ANO2: variants seen among roughly 807,000 people sequenced by gnomAD.
ANO2 encodes the protein anoctamin 2.
A neutral mutation model predicts 124.2 loss-of-function variants in ANO2; 101 were observed. The observed-to-expected ratio is 0.81, with a 90% CI of 0.69 to 0.96. The LOEUF (loss-of-function observed/expected upper bound fraction) is 0.96. Among genes scored for constraint, ANO2 ranks in the 40% least tolerant of loss-of-function variants. The pLI, the probability that ANO2 is intolerant of heterozygous loss-of-function variation, is 0.00. For synonymous variants in ANO2, 486 were observed against 482.5 expected, an observed-to-expected ratio of 1.01 and a Z score of -0.09; for missense variants, 1,293 against 1,274.5, an observed-to-expected ratio of 1.01 and a Z score of -0.22.
At chr12:5,699,797 C>T (rs1949331414) in intron 14 of ANO2, among the ~76,000 whole-genome samples, 1 of 151,934 alleles carries the variant, frequency 6.6e-6, no homozygotes, top group African/African-American at 2.4e-5. Flanking sequence ...ATCCTAGTCT[C>T]GGATAAAACA....
Position 5,583,066 on chromosome 12 carries a change from T to A in ANO2, c.2234-4548A>T, listed in dbSNP as rs185907066. On this transcript the variant is annotated intron_variant, in intron 20 of 24. Coordinates refer to ENST00000682330, the MANE Select transcript of ANO2 (RefSeq NM_001364791.2). ...TTCTTTTCCAAGTCCTCACTCACCATCTTTTGTGGTGCCTATCACATAGCA... is the reference window on the plus strand; with the variant it reads ...TTCTTTTCCAAGTCCTCACTCACCAACTTTTGTGGTGCCTATCACATAGCA... Among the ~76,000 whole-genome samples the A allele has an allele frequency of 3.2e-3, 490 of 152,324 alleles. 7 individuals carry two copies. The highest frequency in any genetic ancestry group is 0.011 in the African/African-American group (450 of 41,574).
At chr12:5,782,028 A>G (rs926380756) in intron 10 of ANO2, among the ~76,000 whole-genome samples, 9 of 152,210 alleles carry the variant, frequency 5.9e-5, no homozygotes, top group Non-Finnish European at 1.2e-4. Flanking sequence ...TGGTCTATCA[A>G]GTACTGAAAA....
At chr12:5,909,702 G>A (rs1345492133) in intron 3 of ANO2, among the ~76,000 whole-genome samples, 1 of 152,224 alleles carries the variant, frequency 6.6e-6, no homozygotes, top group Non-Finnish European at 1.5e-5. Context: ...TGCCCCACAA[G>A]TGCACCTGCA....
intron 4 of ANO2, among the ~76,000 whole-genome samples, chr12:5,850,273 G>A (rs756076581): frequency 4.6e-5 from 7 of 151,928 alleles, no homozygotes; most frequent in South Asian, 2.1e-4. Flanking sequence ...AAAAATAGCC[G>A]GGCGTGGTGG....
chr12:5,753,801 G>A (rs568518260), intron 10 of ANO2, among the ~76,000 whole-genome samples: 1 of 152,150 alleles, frequency 6.6e-6, no homozygotes, highest in African/African-American at 2.4e-5. Flanking sequence ...AGTCTTTAGG[G>A]TTTTCTGCAT....
At chr12:5,683,746 T>C (rs1037773183) in intron 14 of ANO2, among the ~76,000 whole-genome samples, 3 of 152,004 alleles carry the variant, frequency 2.0e-5, no homozygotes, top group African/African-American at 7.2e-5. Flanking sequence ...AGATGATCGG[T>C]GTAAGAGAAC....
intron 10 of ANO2, among the ~76,000 whole-genome samples, chr12:5,756,124 T>C (rs1951573410): frequency 6.6e-6 from 1 of 152,000 alleles, no homozygotes; most frequent in Non-Finnish European, 1.5e-5. Flanking sequence ...TTTCTTCTGC[T>C]TGACCAAGTA....
intron 3 of ANO2, among the ~76,000 whole-genome samples, chr12:5,874,114 A>G (rs1937927823): frequency 6.6e-6 from 1 of 152,200 alleles, no homozygotes; most frequent in South Asian, 2.1e-4. Flanking sequence ...CAGCTTTTAG[A>G]CTGGGGAATC....
intron 23 of ANO2, among the ~76,000 whole-genome samples, chr12:5,572,796 G>C (rs1164637499): frequency 6.6e-6 from 1 of 152,128 alleles, no homozygotes; most frequent in Non-Finnish European, 1.5e-5. Flanking sequence ...CAGAAATATA[G>C]AATGAAAGTG....
At chr12:5,785,429 C>G (rs948225618) in intron 10 of ANO2, among the ~76,000 whole-genome samples, 3 of 152,124 alleles carry the variant, frequency 2.0e-5, no homozygotes, top group Non-Finnish European at 4.4e-5. Context: ...TGTGTCTCAT[C>G]CTTCTTCACT....
chr12:5,831,550 A>G (rs1035039018), intron 5 of ANO2, among the ~76,000 whole-genome samples: 2 of 152,208 alleles, frequency 1.3e-5, no homozygotes, highest in African/African-American at 2.4e-5. Flanking sequence ...AGACTTTGGT[A>G]TCTATAATAG....
At chr12:5,851,329 G>A (rs1289799834) in intron 4 of ANO2, among the ~76,000 whole-genome samples, 1 of 152,162 alleles carries the variant, frequency 6.6e-6, no homozygotes, top group Non-Finnish European at 1.5e-5. Context: ...GGGACCAAAG[G>A]CAAGCACTAC....
intron 16 of ANO2, among the ~76,000 whole-genome samples, chr12:5,619,359 A>G (rs990656195): frequency 6.6e-6 from 1 of 152,276 alleles, no homozygotes; most frequent in Non-Finnish European, 1.5e-5. Context: ...AGATTTTAAT[A>G]TTAAAAATTC....
chr12:5,586,835 G>A (rs7964474), intron 20 of ANO2, among the ~76,000 whole-genome samples: 26,882 of 152,178 alleles, frequency 0.18, 2,668 homozygotes, highest in Non-Finnish European at 0.22. Context: ...AGCAGTAGTT[G>A]TCTAATATAT....
chr12:5,706,162 T>C (rs1227234575), intron 14 of ANO2, among the ~76,000 whole-genome samples: 2 of 152,218 alleles, frequency 1.3e-5, no homozygotes, highest in Admixed American at 6.5e-5. Context: ...AGCAATTTCA[T>C]GCACATTACC....
intron 14 of ANO2, among the ~76,000 whole-genome samples, chr12:5,710,499 T>A (rs1212970512): frequency 6.6e-6 from 1 of 152,206 alleles, no homozygotes; most frequent in Non-Finnish European, 1.5e-5. Flanking sequence ...CCTCAAAGAA[T>A]GGAGGCAGTG....
At chr12:5,598,543 A>G (rs1861585) in intron 20 of ANO2, among the ~76,000 whole-genome samples, 91,017 of 151,846 alleles carry the variant, frequency 0.6, 27,793 homozygotes, top group Admixed American at 0.7. Flanking sequence ...TTTAGTAGAG[A>G]TGGAGTTTCA....
At chr12:5,780,924 G>A (rs1014383869) in intron 10 of ANO2, among the ~76,000 whole-genome samples, 4 of 152,212 alleles carry the variant, frequency 2.6e-5, no homozygotes, top group Admixed American at 6.5e-5. Flanking sequence ...AGAAGCCAAC[G>A]GGCGTCCTTC....
intron 5 of ANO2, 115 bp from the exon 6 acceptor site, chr12:5,830,604 G>A: frequency 1.3e-6 from 1 of 768,524 alleles, no homozygotes; most frequent in Non-Finnish European, 2.1e-6. Flanking sequence ...GACTTATGAG[G>A]TGCACACACA....
Sources: allele counts gnomAD v4.1 joint callset (sites outside exome capture counted in the v4.1 genomes callset), GRCh38; gene constraint gnomAD v4.1.1; transcripts MANE v1.5; gene names NCBI Gene and HGNC (gene_info 2026-07-23, HGNC 2026-07-21).